MLLT10: variants seen among roughly 807,000 people sequenced by gnomAD.
MLLT10 encodes the protein protein AF-10.
A neutral mutation model predicts 129.1 loss-of-function variants in MLLT10; 30 were observed. The ratio of observed to expected loss-of-function variants is 0.23; its 90% confidence interval spans 0.17 to 0.32. The LOEUF (loss-of-function observed/expected upper bound fraction) is 0.32. Among genes scored for constraint, MLLT10 ranks in the 10% least tolerant of loss-of-function variants. MLLT10 has a pLI of 1.00. For synonymous variants in MLLT10, 490 were observed against 446.4 expected (o/e 1.10, Z -1.23); for missense variants, 1,119 against 1,268.3 (o/e 0.88, Z 1.79).
intron 11 of MLLT10, among the ~76,000 whole-genome samples, chr10:21,676,271 G>C (rs1219445327): frequency 6.6e-6 from 1 of 151,856 alleles, no homozygotes; most frequent in African/African-American, 2.4e-5. Flanking sequence ...CAAAAAAGTA[G>C]CCCGGCATGG....
At chr10:21,564,122 A>T (rs536357431) in intron 3 of MLLT10, among the ~76,000 whole-genome samples, 5 of 150,462 alleles carry the variant, frequency 3.3e-5, no homozygotes, top group East Asian at 3.9e-4. Flanking sequence ...TATTATTATT[A>T]TTTTTTTTTG....
chr10:21,569,040 T>A (rs1435250913), intron 3 of MLLT10, among the ~76,000 whole-genome samples: 2 of 152,198 alleles, frequency 1.3e-5, no homozygotes, highest in Non-Finnish European at 2.9e-5. Flanking sequence ...TAAGAAAAAA[T>A]TCATGGTAAC....
intron 5 of MLLT10, among the ~76,000 whole-genome samples, chr10:21,595,826 A>G (rs942394632): frequency 2.6e-5 from 4 of 152,052 alleles, no homozygotes; most frequent in Non-Finnish European, 5.9e-5. Context: ...TTTTTGAAGA[A>G]CAGTCCTATA....
intron 4 of MLLT10, among the ~76,000 whole-genome samples, chr10:21,586,722 A>T (rs900441413): frequency 1.3e-5 from 2 of 152,012 alleles, no homozygotes; most frequent in African/African-American, 4.8e-5. Context: ...CCTGGTTTCT[A>T]CTAAAAATAG....
intron 9 of MLLT10, among the ~76,000 whole-genome samples, chr10:21,662,666 A>G (rs2050332176): frequency 6.6e-6 from 1 of 152,194 alleles, no homozygotes; most frequent in Non-Finnish European, 1.5e-5. Context: ...TCATAATTCC[A>G]ACATTCCTGC....
chr10:21,569,858 G>A (rs543433032), intron 3 of MLLT10, among the ~76,000 whole-genome samples: 3 of 152,212 alleles, frequency 2.0e-5, no homozygotes, highest in African/African-American at 7.2e-5. Flanking sequence ...TTCCCGAGTA[G>A]CTAGAAGGAC....
intron 3 of MLLT10, among the ~76,000 whole-genome samples, chr10:21,556,094 G>A (rs1047190799): frequency 6.6e-6 from 1 of 151,630 alleles, no homozygotes; most frequent in Non-Finnish European, 1.5e-5. Context: ...TCCTGCCTCC[G>A]CCTCCTGAGT....
At position 21,624,916 on chromosome 10, in the gene MLLT10, C is replaced by A. The variant is rs2046278555; in HGVS notation, c.699+7709C>A. 3.1e-6 allele frequency: 4 copies of A among 1,310,742 alleles called. No homozygotes were observed. In the South Asian group the frequency reaches 5.7e-5, roughly 19 times the overall value. The allele number at this position is 1,310,742 out of a possible 1,614,324, so 81.2% of individuals were successfully genotyped here. On this transcript the variant is annotated intron_variant, in intron 8 of 22. Transcript: ENST00000307729. ...GGTGCCCCCTTTTGTGAATAGCCAG[C>A]TCTACCTCTTGGAGGTGGTGCTCCC... is the stretch of plus-strand genomic sequence containing the variant.
At chr10:21,599,232 C>T (rs2043292532) in intron 5 of MLLT10, among the ~76,000 whole-genome samples, 2 of 151,026 alleles carry the variant, frequency 1.3e-5, no homozygotes. Flanking sequence ...ATCCCAGCTA[C>T]TCGGGAGGCT....
At chr10:21,555,858 G>A (rs1025303298) in intron 3 of MLLT10, among the ~76,000 whole-genome samples, 1 of 150,852 alleles carries the variant, frequency 6.6e-6, no homozygotes, top group African/African-American at 2.4e-5. Flanking sequence ...GTAGGAACAG[G>A]GTTTCTTCAT....
intron 14 of MLLT10, among the ~76,000 whole-genome samples, chr10:21,719,374 T>C (rs529096663): frequency 6.6e-6 from 1 of 152,332 alleles, no homozygotes; most frequent in South Asian, 2.1e-4. Context: ...AAATCAGTTT[T>C]CATAACCTTG....
Position 21,673,528 on chromosome 10 carries a change from G to T in MLLT10, c.1230G>T (p.Gly410=), listed in dbSNP as rs202036234. ...HKGESGSQEG[G]VNSFSTLIGL... is the part of the protein sequence containing the mutation. ...GAGAGTCTGGAAGCCAGGAAGGGGG[G>T]GTAAATAGTTTTAGTACCTTAATTG... The change falls in exon 11 of 23, where the codon GGG becomes GGT. Residue 410 remains glycine, a synonymous_variant. Coordinates refer to ENST00000307729, the MANE Select transcript of MLLT10 (RefSeq NM_001195626.3). 1.8e-5 allele frequency: 29 copies of T among 1,613,286 alleles called. No homozygotes were observed. The highest frequency in any genetic ancestry group is 4.4e-5 in the South Asian group (4 of 91,006).
Position 21,651,750 on chromosome 10 carries a change from G to A in MLLT10, c.777G>A (p.Leu259=). Residue 259 remains leucine, a synonymous_variant, in exon 9 of 23, where the codon TTG becomes TTA. Transcript: ENST00000307729. ...CATCACCTGCATTGGTTCCATCCTT[G>A]ACTGTTACTACAGAAAAAGTAAGTT... is the stretch of plus-strand genomic sequence containing the variant. ...PEPSPALVPS[L]TVTTEKTYTS... is the part of the protein sequence containing the mutation. 6.2e-7 allele frequency: 1 copy of A among 1,611,488 alleles called. No individual in the cohort carries two copies. Among genetic ancestry groups the A allele is most frequent in the Non-Finnish European group, 8.5e-7 (1 of 1,178,342 alleles).
intron 16 of MLLT10, among the ~76,000 whole-genome samples, chr10:21,730,316 A>G (rs1292058006): frequency 6.6e-6 from 1 of 151,802 alleles, no homozygotes; most frequent in Non-Finnish European, 1.5e-5. Context: ...AATGAAAAAA[A>G]AAAAAAAAAA....
chr10:21,585,874 G>A (rs532683846), intron 3 of MLLT10, among the ~76,000 whole-genome samples: 1 of 152,262 alleles, frequency 6.6e-6, no homozygotes, highest in South Asian at 2.1e-4. Context: ...CAATTCTCCT[G>A]CCTCAGCCTC....
At chr10:21,696,107 G>A (rs757790845) in intron 13 of MLLT10, among the ~76,000 whole-genome samples, 14 of 151,912 alleles carry the variant, frequency 9.2e-5, no homozygotes, top group Non-Finnish European at 1.9e-4. Context: ...TAAAACCAAA[G>A]TTCATACATT....
chr10:21,537,198 G>A (rs150547665), intron 2 of MLLT10, among the ~76,000 whole-genome samples: 8 of 152,236 alleles, frequency 5.3e-5, no homozygotes, highest in South Asian at 2.1e-4. Context: ...ACTGGAAGTG[G>A]AAGTTTAGCT....
intron 13 of MLLT10, among the ~76,000 whole-genome samples, chr10:21,699,948 G>T (rs2054743653): frequency 6.6e-6 from 1 of 152,120 alleles, no homozygotes; most frequent in East Asian, 1.9e-4. Context: ...CATTGCATCT[G>T]TAGATTGCTT....
chr10:21,709,331 A>C (rs547488799), intron 13 of MLLT10, among the ~76,000 whole-genome samples: 2 of 151,348 alleles, frequency 1.3e-5, no homozygotes, highest in East Asian at 2.0e-4. Context: ...TCCGCCTCTC[A>C]AGTGATTCTC....
Sources: allele counts gnomAD v4.1 joint callset (sites outside exome capture counted in the v4.1 genomes callset), GRCh38; gene constraint gnomAD v4.1.1; transcripts MANE v1.5; gene names NCBI Gene and HGNC (gene_info 2026-07-23, HGNC 2026-07-21).